Variants in TMEM178B observed in about 807,000 individuals in gnomAD.
TMEM178B encodes the protein transmembrane protein 178B.
Under a neutral mutation model 31.0 loss-of-function variants are expected in TMEM178B, and 5 were observed. The observed-to-expected ratio is 0.16, with a 90% confidence interval of 0.08 to 0.34. The LOEUF is 0.34. TMEM178B is among the 10% of genes least tolerant of loss of function. The probability of loss-of-function intolerance (pLI) is 1.00; values close to 1 mark genes in which losing one functional copy is unlikely to be tolerated. For synonymous variants in TMEM178B, 164 were observed against 164.0 expected, an observed-to-expected ratio of 1.00 and a Z score of 0.00; for missense variants, 275 against 400.3, an observed-to-expected ratio of 0.69 and a Z score of 2.67.
chr7:141,506,340 A>C, the TMEM178B span, among the ~76,000 whole-genome samples: 6 of 152,356 alleles, frequency 3.9e-5, no homozygotes, highest in South Asian at 1.2e-3. Context: ...ATACGCACCC[A>C]AAACTGGTAA....
At chr7:141,288,560 T>C (rs1015325909) in intron 2 of TMEM178B, among the ~76,000 whole-genome samples, 8 of 152,166 alleles carry the variant, frequency 5.3e-5, no homozygotes, top group Non-Finnish European at 1.0e-4. Flanking sequence ...TTATCCCCTC[T>C]GGCATCTCTC....
chr7:141,171,923 T>A lies in TMEM178B; in HGVS notation c.383-40668T>A, dbSNP rs1245565032. Among the ~76,000 whole-genome samples the A allele has an allele frequency of 6.6e-6, 1 of 152,208 alleles. No homozygotes were observed. Among genetic ancestry groups the A allele is most frequent in the East Asian group, 1.9e-4 (1 of 5,200 alleles). ...AGGTCTTGTTGGAGCCTCTACACATTAATTCTCAACAGGTAATTGTTGAGT... is the reference window on the plus strand; with the variant it reads ...AGGTCTTGTTGGAGCCTCTACACATAAATTCTCAACAGGTAATTGTTGAGT... On this transcript the variant is annotated intron_variant, in intron 1 of 3. Coordinates refer to ENST00000565468, the MANE Select transcript of TMEM178B (RefSeq NM_001195278.2). The surrounding 1 kb of genome is among the most constrained non-coding windows in gnomAD (Gnocchi z 4.3).
At chr7:141,184,903 C>T (rs80204131) in intron 1 of TMEM178B, among the ~76,000 whole-genome samples, 3,655 of 152,318 alleles carry the variant, frequency 0.024, 67 homozygotes, top group Non-Finnish European at 0.038. Context: ...TGGGACTAGA[C>T]TTTAGATATT....
At chr7:141,126,088 A>C (rs149445133) in intron 1 of TMEM178B, among the ~76,000 whole-genome samples, 75 of 152,334 alleles carry the variant, frequency 4.9e-4, no homozygotes, top group African/African-American at 1.6e-3. Context: ...AGATTGTGTG[A>C]AATGAGTGAT....
intron 2 of TMEM178B, among the ~76,000 whole-genome samples, chr7:141,370,065 T>C (rs1308795701): frequency 6.6e-6 from 1 of 152,134 alleles, no homozygotes; most frequent in African/African-American, 2.4e-5. Flanking sequence ...AAGGGGGGCC[T>C]GCCCCAGGTA....
intron 1 of TMEM178B, among the ~76,000 whole-genome samples, chr7:141,204,186 C>G (rs777485652): frequency 6.6e-6 from 1 of 152,138 alleles, no homozygotes; most frequent in Non-Finnish European, 1.5e-5. Flanking sequence ...GAGCTGGAAG[C>G]GTGAGACTGG....
intron 1 of TMEM178B, among the ~76,000 whole-genome samples, chr7:141,152,401 G>C (rs543642318): frequency 6.6e-6 from 1 of 152,272 alleles, no homozygotes; most frequent in Non-Finnish European, 1.5e-5. Flanking sequence ...GTGGCTTCCA[G>C]ACTTCACAAA....
At chr7:141,452,840 A>C (rs1043801994) in intron 3 of TMEM178B, among the ~76,000 whole-genome samples, 9 of 152,250 alleles carry the variant, frequency 5.9e-5, no homozygotes, top group African/African-American at 1.9e-4. Context: ...GTACACTTAC[A>C]TCATTTCTCT....
chr7:141,408,230 A>G (rs1800919965), intron 2 of TMEM178B, among the ~76,000 whole-genome samples: 1 of 151,978 alleles, frequency 6.6e-6, no homozygotes, highest in Non-Finnish European at 1.5e-5. Context: ...AAGGAGAGCT[A>G]GTCCAGGAAT....
At chr7:141,241,590 CAAAAAAA>C (rs766018973) in intron 2 of TMEM178B, among the ~76,000 whole-genome samples, 2 of 75,972 alleles carry the variant, frequency 2.6e-5, no homozygotes, top group African/African-American at 5.6e-5. Context: ...GACTTCGTCT[CAAAAAAA>C]AAAAAAAAAA....
intron 1 of TMEM178B, among the ~76,000 whole-genome samples, chr7:141,173,581 T>C (rs186379936): frequency 2.6e-5 from 4 of 152,312 alleles, no homozygotes; most frequent in Admixed American, 1.3e-4. Context: ...TGACAATATA[T>C]AAATCAAATT....
chr7:141,249,386 T>C (rs1229289657), intron 2 of TMEM178B, among the ~76,000 whole-genome samples: 1 of 152,190 alleles, frequency 6.6e-6, no homozygotes, highest in Non-Finnish European at 1.5e-5. Context: ...TTAAACCTCT[T>C]TTTCTTTATA....
intron 1 of TMEM178B, among the ~76,000 whole-genome samples, chr7:141,111,222 G>A (rs1021883238): frequency 3.3e-5 from 5 of 152,242 alleles, no homozygotes; most frequent in Admixed American, 3.3e-4. Flanking sequence ...AGGCAAGAGA[G>A]CGTGTGCAGA....
intron 2 of TMEM178B, among the ~76,000 whole-genome samples, chr7:141,256,640 A>G (rs547352843): frequency 6.6e-6 from 1 of 152,210 alleles, no homozygotes; most frequent in South Asian, 2.1e-4. Context: ...ATAATAAGAT[A>G]TATACTTGAA....
At chr7:141,084,107 T>G (rs775745927) in intron 1 of TMEM178B, among the ~76,000 whole-genome samples, 5 of 152,204 alleles carry the variant, frequency 3.3e-5, no homozygotes, top group Non-Finnish European at 7.3e-5. Context: ...GCCCAGCCTA[T>G]TCAGCACATT....
At chr7:141,308,814 G>A (rs1798861692) in intron 2 of TMEM178B, among the ~76,000 whole-genome samples, 1 of 152,284 alleles carries the variant, frequency 6.6e-6, no homozygotes, top group Non-Finnish European at 1.5e-5. Context: ...GTGGGGAGGG[G>A]CCAGGACCCC....
chr7:141,462,154 C>G (rs777714414), intron 3 of TMEM178B, among the ~76,000 whole-genome samples: 2 of 152,194 alleles, frequency 1.3e-5, no homozygotes, highest in Non-Finnish European at 2.9e-5. Context: ...CAATTGGACT[C>G]TCTTAGCCCA....
At chr7:141,484,365 G>A (rs947893860), downstream of TMEM178B, among the ~76,000 whole-genome samples, 22 of 152,062 alleles carry the variant, frequency 1.4e-4, no homozygotes, top group African/African-American at 4.8e-4. The surrounding 1 kb of genome is among the most constrained non-coding windows in gnomAD (Gnocchi z 4.8). Context: ...GGTGGTTCTC[G>A]GACCAGGAGC....
At chr7:141,134,867 C>G (rs1373075399) in intron 1 of TMEM178B, among the ~76,000 whole-genome samples, 1 of 152,162 alleles carries the variant, frequency 6.6e-6, no homozygotes, top group African/African-American at 2.4e-5. Flanking sequence ...TGTGTCCCCA[C>G]CCAAATCTCA....
Sources: gnomAD v4.1 joint callset for allele counts (sites outside exome capture counted in the v4.1 genomes callset) on GRCh38, gnomAD v4.1.1 for gene constraint, Gnocchi (gnomAD v3.1) non-coding constraint, MANE v1.5 for transcripts, NCBI Gene and HGNC (gene_info 2026-07-23, HGNC 2026-07-21) for gene names.